The following ANXA2 variants were observed in gnomAD, a reference collection of about 807,000 sequenced individuals.
The protein encoded by ANXA2 is annexin II.
A neutral mutation model predicts 47.3 loss-of-function variants in ANXA2; 28 were observed. That is an observed-to-expected ratio of 0.59 (90% CI 0.44 to 0.81). The LOEUF is 0.81. Ranked by LOEUF, ANXA2 falls within the 40% of genes least tolerant of loss-of-function variation. ANXA2 has a pLI of 0.00. For synonymous variants in ANXA2, 172 were observed against 155.5 expected (o/e 1.11, Z -0.79); for missense variants, 384 against 414.3 (o/e 0.93, Z 0.64).
rs146083319 is a variant in ANXA2, at chr15:60,363,827, T to C, written c.243+602A>G. 4.8e-4 allele frequency among the ~76,000 whole-genome samples: 73 copies of C among 152,284 alleles called. 1 individual carries two copies. Among genetic ancestry groups the C allele is most frequent in the African/African-American group, 1.7e-3 (70 of 41,554 alleles). Reference sequence around the variant, plus strand: ...GAGAGGAGCTTGTTAGGATCAACACTCAGTGGAGGCTAGTATCCTAAAATT... The same window carrying C: ...GAGAGGAGCTTGTTAGGATCAACACCCAGTGGAGGCTAGTATCCTAAAATT... On this transcript the variant is annotated intron_variant, in intron 4 of 12. Transcript: ENST00000451270.
chr15:60,372,372 G>C (rs1456299048), intron 3 of ANXA2, among the ~76,000 whole-genome samples: 2 of 152,100 alleles, frequency 1.3e-5, no homozygotes, highest in African/African-American at 4.8e-5. Flanking sequence ...GATTCAAACC[G>C]GGACTAAAGA....
chr15:60,352,513 A>C lies in ANXA2; in HGVS notation c.589-37T>G. 1 of 1,433,268 alleles carries C rather than the reference A, an allele frequency of 7.0e-7. No homozygotes were observed. The highest frequency in any genetic ancestry group is 9.7e-7 in the Non-Finnish European group (1 of 1,029,228). The allele number at this position is 1,433,268 out of a possible 1,614,324, so 88.8% of individuals were successfully genotyped here. On this transcript the variant is annotated intron_variant, in intron 8 of 12. Transcript: ENST00000451270. The surrounding 1 kb of genome is among the most constrained non-coding windows in gnomAD (Gnocchi z 4.2). Reference sequence around the variant, plus strand: ...ACCAACCAGGAAAAGTTAACTACACATCCAATGTAACGTCAAAAAAAATGT... The same window carrying C: ...ACCAACCAGGAAAAGTTAACTACACCTCCAATGTAACGTCAAAAAAAATGT...
At chr15:60,368,858 G>C (rs529632821) in intron 3 of ANXA2, among the ~76,000 whole-genome samples, 2 of 152,108 alleles carry the variant, frequency 1.3e-5, no homozygotes, top group Non-Finnish European at 2.9e-5. Context: ...AAATACTTCA[G>C]TTAGAAAACA....
chr15:60,347,593 T>C lies in ANXA2; in HGVS notation c.*37A>G, dbSNP rs369633382. The C allele has an allele frequency of 1.7e-4, 278 of 1,608,792 alleles. 1 individual carries two copies. The African/African-American group carries it at 3.1e-3, about 18-fold the overall frequency. ...CTAGACCTGTTAGCTGGAAGCATGG[T>C]GAGCACCATTTCTGGACGCTCAGGC... On this transcript the variant is annotated 3_prime_UTR_variant, in exon 13 of 13. Coordinates refer to ENST00000451270, the MANE Select transcript of ANXA2 (RefSeq NM_004039.3).
At position 60,347,610 on chromosome 15, in the gene ANXA2, C is replaced by T. The variant is rs533432390; in HGVS notation, c.*20G>A. ...AAGCATGGTGAGCACCATTTCTGGA[C>T]GCTCAGGCCGTGTCGGGCTTCAGTC... On this transcript the variant is annotated 3_prime_UTR_variant, in exon 13 of 13. Transcript: ENST00000451270. 35 of 1,613,204 alleles carry T rather than the reference C, an allele frequency of 2.2e-5. No individual in the cohort carries two copies. The highest frequency in any genetic ancestry group is 4.0e-5 in the African/African-American group (3 of 75,016).
At chr15:60,391,122 C>G (rs2063003714) in intron 1 of ANXA2, 1 of 152,324 alleles carries the variant, frequency 6.6e-6, no homozygotes, top group Non-Finnish European at 1.5e-5. Flanking sequence ...GAGCTCTCTT[C>G]CCTTCGTGCC....
intron 3 of ANXA2, 78 bp from the exon 4 acceptor site, chr15:60,364,601 T>C: frequency 9.4e-7 from 1 of 1,063,284 alleles, no homozygotes; most frequent in Non-Finnish European, 1.4e-6. Flanking sequence ...TCAAGCAGAC[T>C]TTTTCAAACT....
At chr15:60,393,694 A>C (rs1466435722) in intron 1 of ANXA2, 1 of 985,120 alleles carries the variant, frequency 1.0e-6, no homozygotes, top group East Asian at 1.1e-4. Context: ...CCTTTCTCAC[A>C]CACCCCTCCT....
At chr15:60,378,141 CAT>C (rs1178125076) in intron 3 of ANXA2, among the ~76,000 whole-genome samples, 1 of 151,120 alleles carries the variant, frequency 6.6e-6, no homozygotes, top group Non-Finnish European at 1.5e-5. Flanking sequence ...GATCACATAG[CAT>C]ATACCATCCC....
chr15:60,353,785 G>A (rs7168116), intron 8 of ANXA2, among the ~76,000 whole-genome samples: 119,012 of 152,142 alleles, frequency 0.78, 46,921 homozygotes, highest in African/African-American at 0.85. Flanking sequence ...GGGGAAAGCC[G>A]GCTGCCATGT....
intron 1 of ANXA2, among the ~76,000 whole-genome samples, chr15:60,387,359 C>G (rs1332505285): frequency 6.6e-6 from 1 of 152,218 alleles, no homozygotes; most frequent in African/African-American, 2.4e-5. Flanking sequence ...GACAGCCTCC[C>G]CACCCCAATT....
intron 1 of ANXA2, chr15:60,390,431 C>G (rs2062993511): frequency 3.9e-6 from 2 of 507,442 alleles, no homozygotes; most frequent in African/African-American, 3.9e-5. Flanking sequence ...GCACCAACCC[C>G]ACAAAACGGC....
At chr15:60,395,621 A>G (rs1008085683) in intron 1 of ANXA2, 6 of 152,316 alleles carry the variant, frequency 3.9e-5, no homozygotes, top group African/African-American at 1.4e-4. Flanking sequence ...TAGCCAGGAA[A>G]CTAACGGCCA....
At chr15:60,385,991 T>A in intron 2 of ANXA2, 37 bp downstream of exon 2, 1 of 1,508,714 alleles carries the variant, frequency 6.6e-7, no homozygotes, top group Non-Finnish European at 9.1e-7. Flanking sequence ...GATGTCCAAC[T>A]TGCAAAAATT....
At chr15:60,364,179 G>T (rs2062558020) in intron 4 of ANXA2, among the ~76,000 whole-genome samples, 1 of 152,176 alleles carries the variant, frequency 6.6e-6, no homozygotes, top group Non-Finnish European at 1.5e-5. Flanking sequence ...AACTGCACAC[G>T]CGAGGGATCT....
At chr15:60,360,893 C>T (rs971819537) in intron 5 of ANXA2, 48 bp downstream of exon 5, 2 of 1,247,550 alleles carry the variant, frequency 1.6e-6, no homozygotes, top group Non-Finnish European at 2.3e-6. Context: ...CTGTAATTCA[C>T]AAAATTAATA....
chr15:60,355,872 T>G, intron 7 of ANXA2, 47 bp downstream of exon 7: 1 of 1,468,224 alleles, frequency 6.8e-7, no homozygotes, highest in Non-Finnish European at 9.6e-7. Flanking sequence ...GGTATGTGAC[T>G]TGCCTTGGGA....
At chr15:60,393,557 G>C (rs1595713373) in intron 1 of ANXA2, 1 of 985,480 alleles carries the variant, frequency 1.0e-6, no homozygotes, top group African/African-American at 1.7e-5. Flanking sequence ...GCACAGAAGA[G>C]TTAACTGGAC....
At chr15:60,373,371 T>A (rs1442554888) in intron 3 of ANXA2, among the ~76,000 whole-genome samples, 1 of 152,200 alleles carries the variant, frequency 6.6e-6, no homozygotes, top group Non-Finnish European at 1.5e-5. Flanking sequence ...GAGGAAGTCC[T>A]TCCAAACAAG....
Sources: gnomAD v4.1 joint callset for allele counts (sites outside exome capture counted in the v4.1 genomes callset) on GRCh38, gnomAD v4.1.1 for gene constraint, Gnocchi (gnomAD v3.1) non-coding constraint, MANE v1.5 for transcripts, NCBI Gene and HGNC (gene_info 2026-07-23, HGNC 2026-07-21) for gene names.